The following SYDE2 variants were observed in gnomAD, a reference collection of about 807,000 sequenced individuals.
The protein encoded by SYDE2 is synapse defective Rho GTPase homolog 2.
SYDE2 carries 76 observed loss-of-function variants against 91.5 expected under a neutral mutation model. The observed-to-expected ratio is 0.83, with a 90% CI of 0.69 to 1.01. SYDE2 has a LOEUF of 1.01. SYDE2 is among the 50% of genes least tolerant of loss of function. SYDE2 has a pLI of 0.00. For synonymous variants in SYDE2, 513 were observed against 506.4 expected (o/e 1.01, Z -0.18); for missense variants, 1,364 against 1,367.7 (o/e 1.00, Z 0.04).
Position 85,182,290 on chromosome 1 carries a change from A to G in SYDE2, c.2352T>C (p.Pro784=), listed in dbSNP as rs771491017. 6 of 1,613,748 alleles carry G rather than the reference A, an allele frequency of 3.7e-6. No individual in the cohort carries two copies. The highest frequency in any genetic ancestry group is 2.2e-5 in the South Asian group (2 of 91,010). The part of the protein sequence containing the change: ...KTHQLAVKLE[P]RGLIYVKVTL... The stretch of plus-strand genomic sequence containing the variant: ...TCACTTTCACATAAATAAGACCTCT[A>G]GGTTCAAGTTTGACAGCCAACTGAT... Residue 784 remains proline (P), a synonymous_variant, in exon 3 of 7, where the codon CCT becomes CCC. Transcript: ENST00000341460.
chr1:85,178,026 A>T, intron 4 of SYDE2, 120 bp downstream of exon 4: 1 of 858,404 alleles, frequency 1.2e-6, no homozygotes. Flanking sequence ...ATGTTTGTGA[A>T]GGAAGAAAAG....
At chr1:85,195,437 T>A (rs1417719641) in intron 1 of SYDE2, among the ~76,000 whole-genome samples, 1 of 152,148 alleles carries the variant, frequency 6.6e-6, no homozygotes, top group Non-Finnish European at 1.5e-5. Flanking sequence ...GTCTTAAGTT[T>A]CTGTGTGTGT....
intron 6 of SYDE2, among the ~76,000 whole-genome samples, chr1:85,163,480 T>TATATATATATATA (rs1216698478): frequency 2.2e-5 from 3 of 134,650 alleles, no homozygotes; most frequent in African/African-American, 8.9e-5. Flanking sequence ...TATATATATA[T>TATATATATATATA]AACAAAAGAG....
At position 85,157,484 on chromosome 1, in the gene SYDE2, T is replaced by C. The variant is rs1656908257; in HGVS notation, c.*1266A>G. The C allele has an allele frequency of 6.6e-6, 1 of 152,112 alleles. No homozygotes were observed. Among genetic ancestry groups the C allele is most frequent in the African/African-American group, 2.4e-5 (1 of 41,450 alleles). The allele number at this position is 152,112 out of a possible 1,614,324, so 9.4% of individuals were successfully genotyped here. A position where few individuals can be genotyped will look rare whatever the true frequency, so the allele number is the denominator to read the frequency against. ...TTATAAATGTACTACTACAAATAAA[T>C]AATTAAAACAAAGCAGAATATAAAA... On this transcript the variant is annotated 3_prime_UTR_variant, in exon 7 of 7. Coordinates refer to ENST00000341460, the MANE Select transcript of SYDE2 (RefSeq NM_032184.2).
intron 1 of SYDE2, among the ~76,000 whole-genome samples, chr1:85,194,344 G>A (rs1013242967): frequency 1.3e-5 from 2 of 149,540 alleles, no homozygotes; most frequent in South Asian, 4.2e-4. Context: ...AAATATTTTT[G>A]TAGAGAAAGG....
intron 4 of SYDE2, among the ~76,000 whole-genome samples, chr1:85,171,548 T>C (rs1010257053): frequency 6.6e-6 from 1 of 152,122 alleles, no homozygotes; most frequent in Non-Finnish European, 1.5e-5. Context: ...TTTTTCAAAA[T>C]TGGCTGCACA....
intron 1 of SYDE2, among the ~76,000 whole-genome samples, chr1:85,191,802 T>C (rs947331133): frequency 1.3e-5 from 2 of 151,362 alleles, no homozygotes; most frequent in African/African-American, 4.9e-5. Flanking sequence ...AGACCTCAAA[T>C]GCTTAGATAT....
chr1:85,187,809 T>C (rs999305890), intron 2 of SYDE2, among the ~76,000 whole-genome samples: 3 of 140,144 alleles, frequency 2.1e-5, no homozygotes, highest in Non-Finnish European at 3.0e-5. Context: ...AGGTGGGAAT[T>C]GAACAATGAG....
At position 85,159,805 on chromosome 1, in the gene SYDE2, G is replaced by T. The variant is rs867985333; in HGVS notation, c.3086-556C>A. The T allele has an allele frequency of 3.7e-5, 35 of 955,696 alleles. No individual in the cohort carries two copies. The African/African-American group carries it at 5.5e-4, about 15-fold the overall frequency. The allele number at this position is 955,696 out of a possible 1,614,324, so 59.2% of individuals were successfully genotyped here. A position where few individuals can be genotyped will look rare whatever the true frequency, so the allele number is the denominator to read the frequency against. ...ACTTTGATAAAATGTACAAATACTA[G>T]ATTTGACCACTTTGTTACCTGAGTT... On this transcript the variant is annotated intron_variant, in intron 6 of 6. Transcript: ENST00000341460.
At position 85,190,465 on chromosome 1, in the gene SYDE2, C is replaced by G; in HGVS notation, c.1033G>C (p.Ala345Pro). Reference protein sequence around the residue: ...KEYCTYVVCNATNSSLSKNCA... With the variant: ...KEYCTYVVCNPTNSSLSKNCA... ...TTTTTCGATAATGAAGAGTTTGTAG[C>G]GTTACATACCACATATGTACAGTAC... Residue 345 changes from alanine to proline, a missense_variant, in exon 2 of 7, where the codon GCT (alanine) becomes CCT (proline). Coordinates refer to ENST00000341460, the MANE Select transcript of SYDE2 (RefSeq NM_032184.2). 6.2e-7 allele frequency: 1 copy of G among 1,613,896 alleles called. No homozygotes were observed. The highest frequency in any genetic ancestry group is 8.5e-7 in the Non-Finnish European group (1 of 1,179,854).
downstream of SYDE2, among the ~76,000 whole-genome samples, chr1:85,156,616 C>T (rs1331911650): frequency 6.6e-6 from 1 of 151,776 alleles, no homozygotes; most frequent in Non-Finnish European, 1.5e-5. Context: ...GATGAGACAA[C>T]AAAAAAATGA....
Position 85,192,069 on chromosome 1 carries a change from A to C in SYDE2, c.746-1317T>G, listed in dbSNP as rs113736585. Among the ~76,000 whole-genome samples the C allele has an allele frequency of 3.3e-5, 5 of 152,326 alleles. No homozygotes were observed. In the East Asian group the frequency reaches 7.7e-4, roughly 23 times the overall value. ...ATCTTATTGGCACAGCAAGTAAAAA[A>C]TAATGGTCTAAAAATAGAGTGATAA... On this transcript the variant is annotated intron_variant, in intron 1 of 6. Transcript: ENST00000341460.
rs1658805125 is a variant in SYDE2 at position 85,200,853 on chromosome 1, C to T, written c.144G>A (p.Glu48=). ...GCCGAGGGCGTCCGCCGCCTCCCCG[C>T]TCCCCGTCCCGGGGGCAGGCTCGGC... ...AYRRACPRDG[E]RGGGGRPRQQ... Residue 48 remains glutamate (E), a synonymous_variant, in exon 1 of 7, where the codon GAG becomes GAA. Coordinates refer to ENST00000341460, the MANE Select transcript of SYDE2 (RefSeq NM_032184.2). 2.2e-6 allele frequency: 3 copies of T among 1,379,036 alleles called. No homozygotes were observed. Among genetic ancestry groups the T allele is most frequent in the Non-Finnish European group, 2.8e-6 (3 of 1,076,334 alleles). 85.4% of individuals were successfully genotyped at this position (1,379,036 alleles called of 1,614,324 possible).
rs1657404888 is a variant in SYDE2, at chr1:85,169,088, T to TA, written c.2808dup (p.Lys937Ter). On this transcript the variant is annotated frameshift_variant, in exon 5 of 7. Coordinates refer to ENST00000341460, the MANE Select transcript of SYDE2 (RefSeq NM_032184.2). LOFTEE classifies it high-confidence loss of function. ...CAATCCAGCAGGTCAACAGTGTACT[T>TA]AGAGTCACCTGGGTCATTCTCACAA... 2 of 1,613,904 alleles carry TA rather than the reference T, an allele frequency of 1.2e-6. No homozygotes were observed. The highest frequency in any genetic ancestry group is 1.7e-6 in the Non-Finnish European group (2 of 1,179,822).
intron 1 of SYDE2, among the ~76,000 whole-genome samples, chr1:85,198,498 A>G (rs1658686641): frequency 6.6e-6 from 1 of 152,206 alleles, no homozygotes; most frequent in Non-Finnish European, 1.5e-5. Flanking sequence ...AGTTGTTTAA[A>G]CCAGAGATTA....
In SYDE2 at chr1:85,183,026, A is replaced by C. The variant is rs1210822707; in HGVS notation, c.1616T>G (p.Phe539Cys). 1.9e-6 allele frequency: 3 copies of C among 1,613,096 alleles called. No homozygotes were observed. Among genetic ancestry groups the C allele is most frequent in the Non-Finnish European group, 2.5e-6 (3 of 1,179,706 alleles). The change falls in exon 3 of 7, where the codon TTT becomes TGT. Residue 539 changes from phenylalanine to cysteine, a missense_variant. Physicochemically the swap from Phe to Cys is radical, Grantham distance 205 (BLOSUM62 -2). Coordinates refer to ENST00000341460, the MANE Select transcript of SYDE2 (RefSeq NM_032184.2). The stretch of plus-strand genomic sequence containing the variant: ...TCCCTTAACGCTTAGCTTTCGGCTA[A>C]ATTCTGGCAACTTTTTCATTTTCAT... Reference protein sequence around the residue: ...LSMKMKKLPEFSRKLSVKGTL... With the variant: ...LSMKMKKLPECSRKLSVKGTL...
chr1:85,195,233 T>C (rs112983336), intron 1 of SYDE2, among the ~76,000 whole-genome samples: 149 of 152,240 alleles, frequency 9.8e-4, no homozygotes, highest in African/African-American at 2.5e-3. Flanking sequence ...AAATAAACTC[T>C]CTTGCTTTTC....
chr1:85,178,399 T>G lies in SYDE2; in HGVS notation c.2545-127A>C, dbSNP rs1237759285. 6.1e-6 allele frequency: 5 copies of G among 815,180 alleles called. No individual in the cohort carries two copies. In the East Asian group the frequency reaches 1.4e-4, roughly 22 times the overall value. 50.5% of individuals were successfully genotyped at this position (815,180 alleles called of 1,614,324 possible). A position where few individuals can be genotyped will look rare whatever the true frequency, so the allele number is the denominator to read the frequency against. On this transcript the variant is annotated intron_variant, in intron 3 of 6. Coordinates refer to ENST00000341460, the MANE Select transcript of SYDE2 (RefSeq NM_032184.2). ...CATTTAATTTTAAATACCTCAAATA[T>G]AGCTTTTGAAGTCTCATTATATACT...
intron 4 of SYDE2, among the ~76,000 whole-genome samples, chr1:85,170,964 A>C (rs1490496495): frequency 6.6e-6 from 1 of 152,240 alleles, no homozygotes; most frequent in East Asian, 1.9e-4. Context: ...CTAAGTAAAA[A>C]ATGCATTTGC....
Sources: allele counts gnomAD v4.1 joint callset (sites outside exome capture counted in the v4.1 genomes callset), GRCh38; gene constraint gnomAD v4.1.1; transcripts MANE v1.5; gene names NCBI Gene and HGNC (gene_info 2026-07-23, HGNC 2026-07-21).